The following WBP11 variants were observed in gnomAD, a reference collection of about 807,000 sequenced individuals.
The protein encoded by WBP11 is WW domain-binding protein 11.
A neutral mutation model predicts 66.7 loss-of-function variants in WBP11; 12 were observed. The observed-to-expected ratio is 0.18, with a 90% CI of 0.12 to 0.29. The LOEUF (loss-of-function observed/expected upper bound fraction) is 0.29. Among genes scored for constraint, WBP11 ranks in the 10% least tolerant of loss-of-function variants. The pLI, the probability that WBP11 is intolerant of heterozygous loss-of-function variation, is 1.00. For synonymous variants in WBP11, 255 were observed against 273.8 expected (o/e 0.93, Z 0.68); for missense variants, 555 against 818.3 (o/e 0.68, Z 3.93).
rs760632496 is a variant in WBP11 at position 14,794,520 on chromosome 12, G to C, written c.721+17C>G. ...AAAAATGATAGTTATAAAAGCAAAA[G>C]AACAGTCACTTCTCACCAAGTTCAG... is the stretch of plus-strand genomic sequence containing the variant. On this transcript the variant is annotated intron_variant, in intron 7 of 11. Coordinates refer to ENST00000261167, the MANE Select transcript of WBP11 (RefSeq NM_016312.3). The C allele has an allele frequency of 6.2e-7, 1 of 1,612,524 alleles. No homozygotes were observed. Among genetic ancestry groups the C allele is most frequent in the South Asian group, 1.1e-5 (1 of 91,004 alleles).
Position 14,796,354 on chromosome 12 carries a change from C to T in WBP11, c.387+453G>A, listed in dbSNP as rs1202249319. Among the ~76,000 whole-genome samples, 12 of 152,150 alleles carry T rather than the reference C, an allele frequency of 7.9e-5. No individual in the cohort carries two copies. Among genetic ancestry groups the T allele is most frequent in the African/African-American group, 2.9e-4 (12 of 41,436 alleles). The stretch of plus-strand genomic sequence containing the variant: ...ATAAAGAGGATTAGATTTGCAGGTT[C>T]ACACAGTAGGTATATGTTTAGTTTT... On this transcript the variant is annotated intron_variant, in intron 5 of 11. Transcript: ENST00000261167. The surrounding 1 kb of genome is among the most constrained non-coding windows in gnomAD (Gnocchi z 4.5).
chr12:14,801,626 T>A (rs532595141), intron 1 of WBP11, among the ~76,000 whole-genome samples, 198 bp from the exon 2 acceptor site: 1 of 152,326 alleles, frequency 6.6e-6, no homozygotes, highest in South Asian at 2.1e-4. Context: ...TCTATCATTC[T>A]TCAGAAATGT....
intron 10 of WBP11, among the ~76,000 whole-genome samples, chr12:14,789,828 TA>T (rs1375112473): frequency 1.3e-5 from 2 of 152,180 alleles, no homozygotes; most frequent in African/African-American, 4.8e-5. Flanking sequence ...AAGAATGACA[TA>T]AAATAGGTAA....
chr12:14,792,736 G>C (rs1300258248), intron 8 of WBP11, among the ~76,000 whole-genome samples: 6 of 151,950 alleles, frequency 3.9e-5, no homozygotes, highest in Non-Finnish European at 7.4e-5. Context: ...GGGAGACTGA[G>C]GCAGGAGAAT....
Position 14,784,649 on chromosome 12 carries a change from T to TCCAGGG in WBP11, c.*2415_*2416insCCCTGG, listed in dbSNP as rs1447917467. The TCCAGGG allele has an allele frequency of 6.6e-6, 1 of 152,160 alleles. No homozygotes were observed. Among genetic ancestry groups the TCCAGGG allele is most frequent in the Non-Finnish European group, 1.5e-5 (1 of 68,032 alleles). The allele number at this position is 152,160 out of a possible 1,614,324, so 9.4% of individuals were successfully genotyped here. On this transcript the variant is annotated 3_prime_UTR_variant, in exon 12 of 12. Coordinates refer to ENST00000261167, the MANE Select transcript of WBP11 (RefSeq NM_016312.3). ...ATACAAAATGAGAACTGAAACAGAA[T>TCCAGGG]CTTGGATAGCATCCAGGGCTTCATG... is the stretch of plus-strand genomic sequence containing the variant.
chr12:14,800,629 TA>T (rs1565675444), intron 3 of WBP11, 122 bp downstream of exon 3: 24 of 964,688 alleles, frequency 2.5e-5, no homozygotes, highest in South Asian at 1.9e-4. Context: ...ACAGTTTTTA[TA>T]AAAAGCATAA....
chr12:14,791,913 A>G (rs1949825772), intron 8 of WBP11, among the ~76,000 whole-genome samples: 1 of 151,948 alleles, frequency 6.6e-6, no homozygotes, highest in South Asian at 2.1e-4. Context: ...GCTCTCACTT[A>G]TAAGTGGGAG....
chr12:14,789,716 A>G (rs1165202249), intron 10 of WBP11, among the ~76,000 whole-genome samples: 2 of 152,254 alleles, frequency 1.3e-5, no homozygotes, highest in Non-Finnish European at 2.9e-5. Context: ...TACAAAGGTG[A>G]TAAGAATTCT....
chr12:14,797,370 A>AT (rs1447068182), intron 4 of WBP11, among the ~76,000 whole-genome samples: 3 of 151,804 alleles, frequency 2.0e-5, no homozygotes, highest in Non-Finnish European at 2.9e-5. Flanking sequence ...GAATTCTCTG[A>AT]TTTTTTGCTT....
rs1160352179 is a variant in WBP11 at position 14,800,732 on chromosome 12, A to C, written c.96+20T>G. 2 of 1,598,910 alleles carry C rather than the reference A, an allele frequency of 1.3e-6. No homozygotes were observed. Among genetic ancestry groups the C allele is most frequent in the Non-Finnish European group, 1.7e-6 (2 of 1,170,560 alleles). On this transcript the variant is annotated intron_variant, in intron 3 of 11. Transcript: ENST00000261167. ...ACCAAACAATACTTAAAGTTTTATAAGATGCCTCTAAAATCATACCTTCTT... is the reference window on the plus strand; with the variant it reads ...ACCAAACAATACTTAAAGTTTTATACGATGCCTCTAAAATCATACCTTCTT...
At chr12:14,789,658 A>G (rs560858373) in intron 10 of WBP11, among the ~76,000 whole-genome samples, 3 of 152,318 alleles carry the variant, frequency 2.0e-5, no homozygotes, top group African/African-American at 4.8e-5. Context: ...TTATTTCCCA[A>G]CACTGACAAA....
intron 8 of WBP11, among the ~76,000 whole-genome samples, chr12:14,793,267 C>T (rs756752162): frequency 6.6e-6 from 1 of 152,262 alleles, no homozygotes. Flanking sequence ...CAAACACACA[C>T]ATTATAGATA....
chr12:14,796,669 A>G lies in WBP11; in HGVS notation c.387+138T>C, dbSNP rs924933758. On this transcript the variant is annotated intron_variant, in intron 5 of 11. Transcript: ENST00000261167. This position sits in a 1 kb window ranked among gnomAD's most constrained non-coding sequence, Gnocchi z 4.5. ...CCATCCCCAAAATATATGCAAATAT[A>G]CACAAAAACAAAACAAAATATAAAA... 6 of 764,472 alleles carry G rather than the reference A, an allele frequency of 7.8e-6. No individual in the cohort carries two copies. The African/African-American group carries it at 9.2e-5, about 12-fold the overall frequency. 47.4% of individuals were successfully genotyped at this position (764,472 alleles called of 1,614,324 possible).
At chr12:14,791,010 C>A (rs1949815628) in intron 9 of WBP11, among the ~76,000 whole-genome samples, 159 bp downstream of exon 9, 1 of 152,180 alleles carries the variant, frequency 6.6e-6, no homozygotes, top group African/African-American at 2.4e-5. Context: ...TGCTGTGTAA[C>A]TTTAGGCAGC....
rs1236784715 is a variant in WBP11 at position 14,787,352 on chromosome 12, C to A, written c.1639G>T (p.Asp547Tyr). ...PPNLIQRPKA[D>Y]DTSAATIEKK... ...TCAATGGTGGCTGCACTTGTATCAT[C>A]CGCCTTGGGTCGCTGAATCAAGTTG... Residue 547 changes from aspartate to tyrosine, a missense_variant, in exon 12 of 12, where the codon GAT (aspartate) becomes TAT (tyrosine). By Grantham distance (160) the Asp-to-Tyr change is radical. Around this residue, in one of 6 missense-constraint regions of WBP11, gnomAD observed 230 missense variants for 286.3 expected, o/e 0.80. Transcript: ENST00000261167. The A allele has an allele frequency of 6.2e-7, 1 of 1,612,642 alleles. No individual in the cohort carries two copies. Among genetic ancestry groups the A allele is most frequent in the Non-Finnish European group, 8.5e-7 (1 of 1,178,814 alleles).
At chr12:14,799,541 G>A (rs575090147) in intron 4 of WBP11, 94 bp downstream of exon 4, 1 of 1,156,260 alleles carries the variant, frequency 8.6e-7, no homozygotes. Flanking sequence ...CCATCATGCT[G>A]TTCTGTTTTA....
intron 1 of WBP11, among the ~76,000 whole-genome samples, chr12:14,802,570 A>C (rs1350035098): frequency 6.6e-6 from 1 of 152,190 alleles, no homozygotes; most frequent in African/African-American, 2.4e-5. Flanking sequence ...CAATGAGATT[A>C]CAAATAAAAT....
At chr12:14,791,719 C>T (rs1949824342) in intron 8 of WBP11, among the ~76,000 whole-genome samples, 1 of 152,000 alleles carries the variant, frequency 6.6e-6, no homozygotes, top group Admixed American at 6.6e-5. Flanking sequence ...TTTGCTATTG[C>T]AAAAATATGA....
intron 3 of WBP11, 69 bp downstream of exon 3, chr12:14,800,683 C>T (rs1949951824): frequency 1.5e-6 from 2 of 1,349,296 alleles, no homozygotes; most frequent in Non-Finnish European, 2.1e-6. Flanking sequence ...TTCTGAAACC[C>T]ACTAATCCCA....
Sources: allele counts gnomAD v4.1 joint callset (sites outside exome capture counted in the v4.1 genomes callset), GRCh38; gene constraint gnomAD v4.1.1; regional missense constraint gnomAD v4.1.1; non-coding constraint Gnocchi (gnomAD v3.1); transcripts MANE v1.5; gene names NCBI Gene and HGNC (gene_info 2026-07-23, HGNC 2026-07-21).